HTR1E: variants seen among roughly 807,000 people sequenced by gnomAD.
The protein encoded by HTR1E is 5-hydroxytryptamine receptor 1E, also known as 5-HT-1E.
A neutral mutation model predicts 3.4 loss-of-function variants in HTR1E; 3 were observed. The observed-to-expected ratio is 0.89, with a 90% CI of 0.41 to 2.31. The LOEUF is 2.31. Ranked by LOEUF, HTR1E falls within the 30% of genes most tolerant of loss-of-function variation. The pLI is 0.05. For synonymous variants in HTR1E, 170 were observed against 182.8 expected, an observed-to-expected ratio of 0.93 and a Z score of 0.56; for missense variants, 392 against 467.0, an observed-to-expected ratio of 0.84 and a Z score of 1.48.
chr6:86,959,150 A>G (rs1767369536), intron 1 of HTR1E, among the ~76,000 whole-genome samples: 1 of 152,146 alleles, frequency 6.6e-6, no homozygotes, highest in Non-Finnish European at 1.5e-5. Flanking sequence ...TCCTTGGGGA[A>G]ACTCAGTCTT....
At chr6:86,959,634 G>A (rs551159583) in intron 1 of HTR1E, among the ~76,000 whole-genome samples, 3 of 152,274 alleles carry the variant, frequency 2.0e-5, no homozygotes, top group Non-Finnish European at 2.9e-5. Flanking sequence ...GCAGGATGAC[G>A]GAACCTCAGC....
At chr6:86,999,391 T>C (rs1767986978) in intron 1 of HTR1E, among the ~76,000 whole-genome samples, 1 of 152,086 alleles carries the variant, frequency 6.6e-6, no homozygotes. Context: ...AAGCCAAATA[T>C]GACAATACAC....
chr6:86,965,149 T>C (rs983342741), intron 1 of HTR1E, among the ~76,000 whole-genome samples: 7 of 152,194 alleles, frequency 4.6e-5, no homozygotes, highest in Non-Finnish European at 8.8e-5. Flanking sequence ...TTCCACCTCC[T>C]TCACTGAAGC....
Position 86,952,155 on chromosome 6 carries a change from C to A in HTR1E, c.-186+14332C>A, listed in dbSNP as rs148167298. On this transcript the variant is annotated intron_variant, in intron 1 of 1. Coordinates refer to ENST00000305344, the MANE Select transcript of HTR1E (RefSeq NM_000865.3). The stretch of plus-strand genomic sequence containing the variant: ...GAATCTAGAACCTTATTTTTCTCTT[C>A]CCTTTTTTCTCTCCAAGACTGGCTT... Among the ~76,000 whole-genome samples the A allele has an allele frequency of 5.6e-4, 85 of 152,246 alleles. 4 individuals carry two copies. In the East Asian group the frequency reaches 0.016, roughly 29 times the overall value.
chr6:87,015,820 C>T lies in HTR1E; in HGVS notation c.486C>T (p.Ser162=). The change falls in exon 2 of 2, where the codon AGC becomes AGT. Residue 162 remains serine (S), a synonymous_variant. Coordinates refer to ENST00000305344, the MANE Select transcript of HTR1E (RefSeq NM_000865.3). ...FISMPPLFWR[S]HRRLSPPPSQ... The stretch of plus-strand genomic sequence containing the variant: ...CCATGCCCCCTCTGTTCTGGAGAAG[C>T]CACCGCCGCCTAAGCCCTCCCCCTA... The T allele has an allele frequency of 6.2e-7, 1 of 1,613,520 alleles. No homozygotes were observed. Among genetic ancestry groups the T allele is most frequent in the Non-Finnish European group, 8.5e-7 (1 of 1,179,678 alleles).
intron 1 of HTR1E, among the ~76,000 whole-genome samples, chr6:86,985,056 G>C (rs1038957546): frequency 1.3e-5 from 2 of 152,084 alleles, no homozygotes; most frequent in African/African-American, 4.8e-5. Context: ...AGACAGCATA[G>C]GCCAAGTGAC....
At chr6:86,972,354 G>A in intron 1 of HTR1E, among the ~76,000 whole-genome samples, 1 of 152,026 alleles carries the variant, frequency 6.6e-6, no homozygotes. Flanking sequence ...TATTGTTTGG[G>A]TATTTTCAGG....
At chr6:87,010,367 GA>G (rs1768198193) in intron 1 of HTR1E, among the ~76,000 whole-genome samples, 1 of 111,986 alleles carries the variant, frequency 8.9e-6, no homozygotes, top group Admixed American at 9.1e-5. Flanking sequence ...GCGGGGGGCT[GA>G]CCCCCCCATC....
In HTR1E at chr6:87,015,838, T is replaced by TC; in HGVS notation, c.509dup (p.Ser171Ter). ...GGAGAAGCCACCGCCGCCTAAGCCC[T>TC]CCCCCTAGTCAGTGCACCATCCAGC... On this transcript the variant is annotated frameshift_variant, in exon 2 of 2. Transcript: ENST00000305344. LOFTEE classifies it low-confidence loss of function (END_TRUNC). 1 of 1,613,170 alleles carries TC rather than the reference T, an allele frequency of 6.2e-7. No individual in the cohort carries two copies. The highest frequency in any genetic ancestry group is 8.5e-7 in the Non-Finnish European group (1 of 1,179,524).
At chr6:86,940,642 A>C (rs1768533112) in intron 1 of HTR1E, among the ~76,000 whole-genome samples, 1 of 152,176 alleles carries the variant, frequency 6.6e-6, no homozygotes, top group Non-Finnish European at 1.5e-5. Context: ...AATTCCCTAC[A>C]TCTCACTTTT....
At chr6:87,005,352 T>C (rs1190231223) in intron 1 of HTR1E, among the ~76,000 whole-genome samples, 1 of 152,134 alleles carries the variant, frequency 6.6e-6, no homozygotes, top group Non-Finnish European at 1.5e-5. Context: ...TACAGAACTA[T>C]AGTAACCAAA....
chr6:87,005,400 A>C (rs138832880), intron 1 of HTR1E, among the ~76,000 whole-genome samples: 1 of 152,216 alleles, frequency 6.6e-6, no homozygotes, highest in Non-Finnish European at 1.5e-5. Context: ...CACATAGACC[A>C]ATGAAACAAA....
intron 1 of HTR1E, among the ~76,000 whole-genome samples, chr6:86,998,575 G>A (rs192831531): frequency 1.4e-4 from 22 of 152,126 alleles, no homozygotes; most frequent in Middle Eastern, 3.4e-3. Flanking sequence ...CTAAAATAAC[G>A]CTTAGAGCAA....
chr6:86,997,514 C>T (rs1276774859), intron 1 of HTR1E, among the ~76,000 whole-genome samples: 1 of 151,470 alleles, frequency 6.6e-6, no homozygotes, highest in Non-Finnish European at 1.5e-5. Flanking sequence ...AAGATCAATA[C>T]CCAAAATAAA....
intron 1 of HTR1E, among the ~76,000 whole-genome samples, chr6:86,994,772 T>C (rs1767912903): frequency 6.6e-6 from 1 of 152,160 alleles, no homozygotes; most frequent in South Asian, 2.1e-4. Context: ...AAAGCAAAAT[T>C]GTAACAGTCT....
At chr6:86,983,539 G>A (rs745798915) in intron 1 of HTR1E, among the ~76,000 whole-genome samples, 11 of 152,148 alleles carry the variant, frequency 7.2e-5, no homozygotes, top group Admixed American at 1.3e-4. Flanking sequence ...GGGAAATGAC[G>A]AGGGGTTGGT....
At chr6:86,983,102 C>A (rs1376266295) in intron 1 of HTR1E, among the ~76,000 whole-genome samples, 2 of 152,164 alleles carry the variant, frequency 1.3e-5, no homozygotes, top group Non-Finnish European at 2.9e-5. Context: ...TTATCTTAAG[C>A]TATTAATACA....
chr6:86,982,775 A>G (rs1767732421), intron 1 of HTR1E, among the ~76,000 whole-genome samples: 1 of 152,234 alleles, frequency 6.6e-6, no homozygotes, highest in Non-Finnish European at 1.5e-5. Context: ...AGACTGGGTA[A>G]TTTGAATGAA....
At chr6:86,986,871 A>C (rs1767796000) in intron 1 of HTR1E, among the ~76,000 whole-genome samples, 1 of 152,156 alleles carries the variant, frequency 6.6e-6, no homozygotes, top group African/African-American at 2.4e-5. Flanking sequence ...AAGAAAGTTC[A>C]CGGGGGGTAA....
Sources: gnomAD v4.1 joint callset for allele counts (sites outside exome capture counted in the v4.1 genomes callset) on GRCh38, gnomAD v4.1.1 for gene constraint, MANE v1.5 for transcripts, NCBI Gene and HGNC (gene_info 2026-07-23, HGNC 2026-07-21) for gene names.